The following HDAC4 variants were observed in gnomAD, a reference collection of about 807,000 sequenced individuals.
HDAC4 encodes the protein histone deacetylase A.
A neutral mutation model predicts 135.1 loss-of-function variants in HDAC4; 16 were observed. The ratio of observed to expected loss-of-function variants is 0.12; its 90% CI spans 0.08 to 0.18. The LOEUF is 0.18. HDAC4 is among the 10% of genes least tolerant of loss of function. The pLI is 1.00. For missense variants in HDAC4, 1,143 were observed against 1,511.8 expected, an observed-to-expected ratio of 0.76 and a Z score of 4.05; for synonymous variants, 685 against 653.4, an observed-to-expected ratio of 1.05 and a Z score of -0.74.
At chr2:239,094,965 T>C (rs2036872659) in intron 17 of HDAC4, 45 bp downstream of exon 17, 1 of 1,613,300 alleles carries the variant, frequency 6.2e-7, no homozygotes, top group African/African-American at 1.3e-5. Context: ...CCACTGGGAC[T>C]CGAGAAGAAA....
At chr2:239,286,770 T>C (rs2051159761) in intron 2 of HDAC4, among the ~76,000 whole-genome samples, 3 of 151,922 alleles carry the variant, frequency 2.0e-5, no homozygotes, top group Non-Finnish European at 4.4e-5. Context: ...TATGCTGAGG[T>C]AGGCCGGCCA....
At chr2:239,091,871 T>A (rs546407149) in intron 17 of HDAC4, 1 of 144,522 alleles carries the variant, frequency 6.9e-6, no homozygotes, top group Non-Finnish European at 1.5e-5. Context: ...CCATCCTGGC[T>A]AACACGGTGA....
intron 3 of HDAC4, among the ~76,000 whole-genome samples, chr2:239,197,936 C>A (rs1324147441): frequency 1.3e-5 from 2 of 150,730 alleles, no homozygotes; most frequent in Non-Finnish European, 2.9e-5. Context: ...TCAATACAAC[C>A]TCCACCTCCC....
At chr2:239,287,611 G>GGA (rs891598479) in intron 2 of HDAC4, among the ~76,000 whole-genome samples, 2 of 152,154 alleles carry the variant, frequency 1.3e-5, no homozygotes, top group Non-Finnish European at 2.9e-5. Context: ...TCCAACCTCG[G>GGA]GAGAGAGAGA....
At chr2:239,384,063 C>T (rs1695615868) in intron 1 of HDAC4, among the ~76,000 whole-genome samples, 1 of 152,208 alleles carries the variant, frequency 6.6e-6, no homozygotes. Flanking sequence ...CGGACACAGA[C>T]AGAGAAGCAG....
rs1231959942 is a variant in HDAC4, at chr2:239,201,743, C to T, written c.95-11666G>A. The stretch of plus-strand genomic sequence containing the variant: ...AGCCTGCTGAGCACAGAGATGGAAA[C>T]GACACATTCCTGAAACAGTATTTTC... On this transcript the variant is annotated intron_variant, in intron 3 of 26. Transcript: ENST00000543185. Among the ~76,000 whole-genome samples, 11 of 152,152 alleles carry T rather than the reference C, an allele frequency of 7.2e-5. No homozygotes were observed. In the East Asian group the frequency reaches 1.9e-3, roughly 27 times the overall value.
chr2:239,094,964 C>T lies in HDAC4; in HGVS notation c.2280+46G>A, dbSNP rs2036872390. On this transcript the variant is annotated intron_variant, in intron 17 of 26. Coordinates refer to ENST00000543185, the MANE Select transcript of HDAC4 (RefSeq NM_001378414.1). ...GCTGCGATTTCTGTGACCACTGGGACTCGAGAAGAAACAGGACATTATTTA... is the reference window on the plus strand; with the variant it reads ...GCTGCGATTTCTGTGACCACTGGGATTCGAGAAGAAACAGGACATTATTTA... The T allele has an allele frequency of 3.1e-6, 5 of 1,613,400 alleles. No homozygotes were observed. In the East Asian group the frequency reaches 1.1e-4, roughly 36 times the overall value.
Position 239,179,722 on chromosome 2 carries a change from A to G in HDAC4, c.340-3159T>C, listed in dbSNP as rs530800617. The stretch of plus-strand genomic sequence containing the variant: ...TAGGAAAGCAGATGAAAAGGATTAC[A>G]TCGGACGGGCAGAGGCAACCCCGAC... On this transcript the variant is annotated intron_variant, in intron 4 of 26. Coordinates refer to ENST00000543185, the MANE Select transcript of HDAC4 (RefSeq NM_001378414.1). Among the ~76,000 whole-genome samples, 38 of 152,372 alleles carry G rather than the reference A, an allele frequency of 2.5e-4. 1 individual carries two copies. Among genetic ancestry groups the G allele is most frequent in the African/African-American group, 7.9e-4 (33 of 41,598 alleles).
At chr2:239,148,105 C>T (rs2041881304) in intron 7 of HDAC4, among the ~76,000 whole-genome samples, 1 of 152,200 alleles carries the variant, frequency 6.6e-6, no homozygotes, top group African/African-American at 2.4e-5. Flanking sequence ...GATGTAGCAT[C>T]AGAGAATGCA....
At chr2:239,278,813 C>T (rs1193618501) in intron 2 of HDAC4, among the ~76,000 whole-genome samples, 1 of 152,192 alleles carries the variant, frequency 6.6e-6, no homozygotes, top group East Asian at 1.9e-4. Flanking sequence ...TGGCTCTCTT[C>T]CTCTTTAAAC....
chr2:239,250,276 G>A (rs545958053), intron 2 of HDAC4, among the ~76,000 whole-genome samples: 1 of 152,272 alleles, frequency 6.6e-6, no homozygotes, highest in Non-Finnish European at 1.5e-5. Context: ...GCCCCCAGGG[G>A]TCCGAGAGGA....
intron 9 of HDAC4, 62 bp from the exon 10 acceptor site, chr2:239,134,705 C>A (rs1293947326): frequency 9.8e-6 from 12 of 1,221,558 alleles, no homozygotes; most frequent in Non-Finnish European, 1.3e-5. Flanking sequence ...GCAATATACA[C>A]CAAGAAAAAC....
intron 1 of HDAC4, among the ~76,000 whole-genome samples, chr2:239,399,106 G>A (rs947983486): frequency 6.6e-6 from 1 of 152,196 alleles, no homozygotes; most frequent in African/African-American, 2.4e-5. Context: ...ACAGATCCCA[G>A]AGAGTAGAAT....
At chr2:239,208,728 G>A (rs907121546) in intron 3 of HDAC4, among the ~76,000 whole-genome samples, 2 of 151,774 alleles carry the variant, frequency 1.3e-5, no homozygotes, top group Admixed American at 1.3e-4. Flanking sequence ...TACGGTGTTA[G>A]ATAAGATCAA....
chr2:239,087,810 C>T (rs985259826), intron 18 of HDAC4, among the ~76,000 whole-genome samples, 196 bp from the exon 19 acceptor site: 3 of 152,170 alleles, frequency 2.0e-5, no homozygotes, highest in Non-Finnish European at 2.9e-5. Flanking sequence ...GGCCCTTCTC[C>T]TAAAGAGGTC....
intron 2 of HDAC4, among the ~76,000 whole-genome samples, chr2:239,246,401 G>A (rs141670591): frequency 5.9e-5 from 9 of 152,240 alleles, no homozygotes; most frequent in Non-Finnish European, 1.5e-5. Context: ...CACAGGACGC[G>A]AGGAGCAGTG....
intron 13 of HDAC4, 104 bp from the exon 14 acceptor site, chr2:239,111,816 G>A (rs2038700577): frequency 9.5e-7 from 1 of 1,057,050 alleles, no homozygotes; most frequent in Admixed American, 2.0e-5. Context: ...CCACGCACAG[G>A]CCATACATGG....
intron 2 of HDAC4, among the ~76,000 whole-genome samples, chr2:239,280,948 T>TCCAC (rs1488098340): frequency 8.4e-6 from 1 of 118,462 alleles, no homozygotes; most frequent in African/African-American, 3.8e-5. Context: ...CACACCACTC[T>TCCAC]ACAATGTACA....
chr2:239,310,418 G>A (rs182152338), intron 2 of HDAC4, among the ~76,000 whole-genome samples: 2 of 152,296 alleles, frequency 1.3e-5, no homozygotes, highest in Admixed American at 6.5e-5. Context: ...TATAGAGAAT[G>A]TTTCACAGAG....
Sources: allele counts gnomAD v4.1 joint callset (sites outside exome capture counted in the v4.1 genomes callset), GRCh38; gene constraint gnomAD v4.1.1; transcripts MANE v1.5; gene names NCBI Gene and HGNC (gene_info 2026-07-23, HGNC 2026-07-21).